The following FRMPD4 variants were observed in gnomAD, a reference collection of about 807,000 sequenced individuals.
The protein encoded by FRMPD4 is FERM and PDZ domain containing 4, also known as FERM and PDZ domain-containing protein 4.
In FRMPD4, 22 loss-of-function variants were observed where a neutral mutation model predicts 94.1. The ratio of observed to expected loss-of-function variants is 0.23; its 90% CI spans 0.17 to 0.33. The LOEUF (loss-of-function observed/expected upper bound fraction) is 0.33, where lower values mean the gene tolerates loss of function less well. FRMPD4 is among the 10% of genes least tolerant of loss of function. The probability of loss-of-function intolerance (pLI) is 1.00; values close to 1 mark genes in which losing one functional copy is unlikely to be tolerated. For synonymous variants in FRMPD4, 631 were observed against 548.6 expected (o/e 1.15, Z -2.10); for missense variants, 1,111 against 1,339.9 (o/e 0.83, Z 2.67).
At chrX:12,720,196 A>G (rs1190893585) in intron 16 of FRMPD4, among the ~76,000 whole-genome samples, 1 of 112,379 alleles carries the variant, frequency 8.9e-6, no homozygotes, top group Non-Finnish European at 1.9e-5. Context: ...TGAATAATCT[A>G]TACACAGTTG....
intron 1 of FRMPD4, among the ~76,000 whole-genome samples, chrX:12,349,035 G>A (rs2055759400): frequency 9.0e-6 from 1 of 111,718 alleles, no homozygotes; most frequent in Non-Finnish European, 1.9e-5. Flanking sequence ...AGGCAGATGG[G>A]AAACGCCCAG....
intron 2 of FRMPD4, among the ~76,000 whole-genome samples, chrX:12,531,644 G>A (rs763804022): frequency 9.0e-6 from 1 of 111,533 alleles, no homozygotes; most frequent in Admixed American, 9.6e-5. Context: ...TTCAATATTG[G>A]TGACTTGGCT....
In FRMPD4 at chrX:12,690,296, C is replaced by G. The variant is rs762920051; in HGVS notation, c.783C>G (p.Leu261=). 17 of 1,208,266 alleles carry G rather than the reference C, an allele frequency of 1.4e-5. No homozygotes were observed. The East Asian group carries it at 5.0e-4, about 36-fold the overall frequency. The change falls in exon 8 of 17, where the codon CTC becomes CTG. Residue 261 remains leucine, a synonymous_variant. Coordinates refer to ENST00000675598, the MANE Select transcript of FRMPD4 (RefSeq NM_001368397.1). ...QRTEGAGTKL[L]LLHEQETLTQ... is the part of the protein sequence containing the mutation. ...CAGAAGGGGCTGGAACGAAGCTGCT[C>G]TTGCTTCATGAACAGGAGACTCTAA...
At chrX:12,496,961 T>C (rs1008294888) in intron 1 of FRMPD4, among the ~76,000 whole-genome samples, 1 of 111,634 alleles carries the variant, frequency 9.0e-6, no homozygotes, top group Admixed American at 9.5e-5. Flanking sequence ...AATTCAGCCT[T>C]CCTCCAACTC....
At chrX:12,530,100 T>G (rs2058269029) in intron 2 of FRMPD4, among the ~76,000 whole-genome samples, 1 of 112,026 alleles carries the variant, frequency 8.9e-6, no homozygotes, top group Admixed American at 9.5e-5. Flanking sequence ...CTTCTTCTGT[T>G]GGACCTCCTT....
At chrX:12,423,332 G>T (rs1216661118) in intron 1 of FRMPD4, among the ~76,000 whole-genome samples, 1 of 111,662 alleles carries the variant, frequency 9.0e-6, no homozygotes, top group African/African-American at 3.3e-5. Flanking sequence ...AAGGTCATGG[G>T]GTCCAGTTGG....
chrX:12,496,871 G>A (rs148518132), intron 1 of FRMPD4, among the ~76,000 whole-genome samples: 4 of 111,818 alleles, frequency 3.6e-5, no homozygotes, highest in African/African-American at 1.3e-4. Context: ...ATGACAAGAG[G>A]CTTTATTTGA....
intron 2 of FRMPD4, among the ~76,000 whole-genome samples, chrX:12,533,020 A>G (rs778180975): frequency 4.1e-4 from 46 of 112,147 alleles, no homozygotes; most frequent in Non-Finnish European, 7.9e-4. Flanking sequence ...AGTTGTTCCC[A>G]TGGCCTTGCT....
At chrX:12,285,067 C>T (rs938493434) in intron 1 of FRMPD4, among the ~76,000 whole-genome samples, 1 of 111,762 alleles carries the variant, frequency 8.9e-6, no homozygotes, top group Non-Finnish European at 1.9e-5. Flanking sequence ...TTCAACTCTT[C>T]CAGCTTTGGA....
intron 2 of FRMPD4, among the ~76,000 whole-genome samples, chrX:12,570,492 G>C (rs1337800208): frequency 2.7e-5 from 3 of 109,958 alleles, no homozygotes; most frequent in African/African-American, 6.6e-5. Flanking sequence ...TTTTAGTAGA[G>C]ATGGGGTTTC....
chrX:12,650,999 C>T (rs1041778705), intron 4 of FRMPD4, among the ~76,000 whole-genome samples: 3 of 112,869 alleles, frequency 2.7e-5, no homozygotes, highest in African/African-American at 9.7e-5. Context: ...CAGTGTTTGC[C>T]CTTGGGACCA....
intron 3 of FRMPD4, among the ~76,000 whole-genome samples, chrX:12,108,763 G>A (rs922491181): frequency 1.8e-5 from 2 of 111,261 alleles, no homozygotes; most frequent in Non-Finnish European, 3.8e-5. Context: ...AAAAAGACAG[G>A]GGTTGCAATG....
At chrX:11,965,789 C>T (rs183913830) in intron 3 of FRMPD4, among the ~76,000 whole-genome samples, 19 of 111,959 alleles carry the variant, frequency 1.7e-4, no homozygotes, top group Non-Finnish European at 2.4e-4. Flanking sequence ...CAAAAGAAAG[C>T]GGTATTAGCT....
rs775068147 is a variant in FRMPD4, at chrX:12,250,161, G to C, written c.41+111149G>C. On this transcript the variant is annotated intron_variant, in intron 1 of 16. Coordinates refer to ENST00000675598, the MANE Select transcript of FRMPD4 (RefSeq NM_001368397.1). ...CAAAAGGCATGAAGGGAATTTTTTG[G>C]TGTGCTGAAGGTTCTTTGTGGTATT... is the stretch of plus-strand genomic sequence containing the variant. 2.8e-5 allele frequency among the ~76,000 whole-genome samples: 3 copies of C among 107,551 alleles called. No individual in the cohort carries two copies. In the South Asian group the frequency reaches 1.3e-3, roughly 46 times the overall value. 93.4% of individuals were successfully genotyped at this position (107,551 alleles called of 115,157 possible).
chrX:11,919,344 A>T (rs187886779), intron 3 of FRMPD4, among the ~76,000 whole-genome samples: 12 of 112,702 alleles, frequency 1.1e-4, no homozygotes, highest in Non-Finnish European at 2.2e-4. Flanking sequence ...TCTAAAGAAC[A>T]AATAAGAGGG....
At chrX:12,463,681 GT>G (rs764684007) in intron 1 of FRMPD4, among the ~76,000 whole-genome samples, 1 of 51,031 alleles carries the variant, frequency 2.0e-5, no homozygotes, top group South Asian at 1.4e-3. Flanking sequence ...CTATGTGTGT[GT>G]TTTTTTTTTG....
At chrX:11,855,314 G>T (rs1479942717) in intron 1 of FRMPD4, among the ~76,000 whole-genome samples, 1 of 111,550 alleles carries the variant, frequency 9.0e-6, no homozygotes, top group Non-Finnish European at 1.9e-5. Context: ...CTGCCACAAA[G>T]GTCTCTGACA....
chrX:12,151,200 G>A (rs1375509337), intron 1 of FRMPD4, among the ~76,000 whole-genome samples: 4 of 110,902 alleles, frequency 3.6e-5, no homozygotes, highest in African/African-American at 6.6e-5. Context: ...AAATAGTAAG[G>A]TTAAAAAAAA....
intron 1 of FRMPD4, among the ~76,000 whole-genome samples, chrX:12,190,495 A>G (rs1414484874): frequency 4.5e-5 from 5 of 110,580 alleles, no homozygotes; most frequent in African/African-American, 1.6e-4. Flanking sequence ...TTACTATAAA[A>G]CTACAGTAAT....
Sources: allele counts gnomAD v4.1 joint callset (sites outside exome capture counted in the v4.1 genomes callset), GRCh38; gene constraint gnomAD v4.1.1; transcripts MANE v1.5; gene names NCBI Gene and HGNC (gene_info 2026-07-23, HGNC 2026-07-21).